P3H4: variants seen among roughly 807,000 people sequenced by gnomAD.
The protein encoded by P3H4 is prolyl 3-hydroxylase family member 4 (inactive), also known as endoplasmic reticulum protein SC65.
In P3H4, 47 loss-of-function variants were observed where a neutral mutation model predicts 52.9. The ratio of observed to expected loss-of-function variants is 0.89; its 90% CI spans 0.70 to 1.13. P3H4 has a LOEUF of 1.13. Among genes scored for constraint, P3H4 ranks in the 50% most tolerant of loss-of-function variants. The pLI, the probability that P3H4 is intolerant of heterozygous loss-of-function variation, is 0.00. For synonymous variants in P3H4, 256 were observed against 267.9 expected, an observed-to-expected ratio of 0.96 and a Z score of 0.44; for missense variants, 585 against 611.0, an observed-to-expected ratio of 0.96 and a Z score of 0.45.
At position 41,810,940 on chromosome 17, in the gene P3H4, A is replaced by ACTGC; in HGVS notation, c.706_709dup (p.Val237GlyfsTer11). On this transcript the variant is annotated frameshift_variant, in exon 3 of 8. Transcript: ENST00000393928. LOFTEE classifies it high-confidence loss of function. ...ACAGCCGGCCAGGCACCGGGCAAAG[A>ACTGC]CTGCCAGGTACTCTGACAAGGCCCG... The ACTGC allele has an allele frequency of 6.2e-7, 1 of 1,614,112 alleles. No homozygotes were observed. Among genetic ancestry groups the ACTGC allele is most frequent in the Non-Finnish European group, 8.5e-7 (1 of 1,180,012 alleles).
In P3H4 at chr17:41,810,935, C is replaced by G. The variant is rs550620446; in HGVS notation, c.715G>C (p.Ala239Pro). 1.2e-6 allele frequency: 2 copies of G among 1,614,196 alleles called. No homozygotes were observed. The highest frequency in any genetic ancestry group is 2.2e-5 in the East Asian group (1 of 44,888). The change falls in exon 3 of 8, where the codon GCC (alanine) becomes CCC (proline). Residue 239 changes from alanine to proline, a missense_variant. Ala to Pro is a conservative substitution (Grantham distance 27). Coordinates refer to ENST00000393928, the MANE Select transcript of P3H4 (RefSeq NM_006455.3). ...CCTTCACAGCCGGCCAGGCACCGGGCAAAGACTGCCAGGTACTCTGACAAG... is the reference window on the plus strand; with the variant it reads ...CCTTCACAGCCGGCCAGGCACCGGGGAAAGACTGCCAGGTACTCTGACAAG... ...RALSEYLAVF[A>P]RCLAGCEGAH...
chr17:41,811,262 A>G lies in P3H4; in HGVS notation c.485T>C (p.Val162Ala), dbSNP rs1555615057. 4 of 1,613,102 alleles carry G rather than the reference A, an allele frequency of 2.5e-6. No individual in the cohort carries two copies. The change falls in exon 2 of 8, where the codon GTG becomes GCG. Residue 162 changes from valine to alanine, a missense_variant. Coordinates refer to ENST00000393928, the MANE Select transcript of P3H4 (RefSeq NM_006455.3). The surrounding 1 kb of genome is among the most constrained non-coding windows in gnomAD (Gnocchi z 4.8). ...CTGGAGGAAGGTGTAGGCCGCCGCC[A>G]CCGCCTTCTCCAGCCGGTTAGCCTG... ...LFKANRLEKA[V>A]AAAYTFLQRN... is the part of the protein sequence containing the mutation.
In P3H4 at chr17:41,811,814, C is replaced by A; in HGVS notation, c.102G>T (p.Met34Ile). 1 of 1,538,222 alleles carries A rather than the reference C, an allele frequency of 6.5e-7. No homozygotes were observed. Among genetic ancestry groups the A allele is most frequent in the Non-Finnish European group, 8.7e-7 (1 of 1,153,862 alleles). ...CGTGCCCGTACGCCGCGGCCAGCGGCATCAGGTCCTCGGGCGGGAAGCCCC... is the reference window on the plus strand; with the variant it reads ...CGTGCCCGTACGCCGCGGCCAGCGGAATCAGGTCCTCGGGCGGGAAGCCCC... Reference protein sequence around the residue: ...SFRGFPPEDLMPLAAAYGHAL... With the variant: ...SFRGFPPEDLIPLAAAYGHAL... Residue 34 changes from methionine (M) to isoleucine (I), a missense_variant, in exon 1 of 8, where the codon ATG becomes ATT. Transcript: ENST00000393928. This position sits in a 1 kb window ranked among gnomAD's most constrained non-coding sequence, Gnocchi z 4.8.
At chr17:41,804,078 A>C (rs1339910855) in intron 6 of P3H4, among the ~76,000 whole-genome samples, 2 of 148,322 alleles carry the variant, frequency 1.3e-5, no homozygotes, top group Non-Finnish European at 3.0e-5. Flanking sequence ...CAGCCTCCCC[A>C]GCAGCTGGGA....
chr17:41,808,550 G>C (rs2047698106), intron 4 of P3H4, among the ~76,000 whole-genome samples: 1 of 152,044 alleles, frequency 6.6e-6, no homozygotes, highest in African/African-American at 2.4e-5. Context: ...ACCATGCCTG[G>C]CTAACTTTTT....
In P3H4 at chr17:41,803,119, C is replaced by T. The variant is rs547034188; in HGVS notation, c.1292-140G>A. 6.3e-5 allele frequency: 89 copies of T among 1,404,750 alleles called. No individual in the cohort carries two copies. In the South Asian group the frequency reaches 1.1e-3, roughly 18 times the overall value. 87.0% of individuals were successfully genotyped at this position (1,404,750 alleles called of 1,614,324 possible). ...TCCCAGCTCCAGGGGAGATGCTGCA[C>T]CACCACCCCCAAGCGGGACAGGGGT... On this transcript the variant is annotated intron_variant, in intron 7 of 7. Transcript: ENST00000393928.
At position 41,811,377 on chromosome 17, in the gene P3H4, A is replaced by G; in HGVS notation, c.462+77T>C. ...CGGGCTTCGTGCCTTGGGTGAAGAT[A>G]ACGCTCCTTCGACCGATCTGTGGGG... On this transcript the variant is annotated intron_variant, in intron 1 of 7. Coordinates refer to ENST00000393928, the MANE Select transcript of P3H4 (RefSeq NM_006455.3). This position sits in a 1 kb window ranked among gnomAD's most constrained non-coding sequence, Gnocchi z 4.8. 1 of 1,606,106 alleles carries G rather than the reference A, an allele frequency of 6.2e-7. No homozygotes were observed.
In P3H4 at chr17:41,811,715, C is replaced by T. The variant is rs2047741566; in HGVS notation, c.201G>A (p.Arg67=). 6.7e-7 allele frequency: 1 copy of T among 1,493,218 alleles called. No individual in the cohort carries two copies. Among genetic ancestry groups the T allele is most frequent in the Non-Finnish European group, 8.8e-7 (1 of 1,132,894 alleles). The allele number at this position is 1,493,218 out of a possible 1,614,324, so 92.5% of individuals were successfully genotyped here. ...RYLEAALRLH[R]LLRDSEAFCH... is the part of the protein sequence containing the mutation. Reference sequence around the variant, plus strand: ...AGAAGGCCTCGCTGTCGCGCAGGAGCCGGTGCAGCCGCAGCGCCGCCTCCA... The same window carrying T: ...AGAAGGCCTCGCTGTCGCGCAGGAGTCGGTGCAGCCGCAGCGCCGCCTCCA... The change falls in exon 1 of 8, where the codon CGG becomes CGA. Residue 67 remains arginine, a synonymous_variant. Transcript: ENST00000393928. The surrounding 1 kb of genome is among the most constrained non-coding windows in gnomAD (Gnocchi z 4.8).
At chr17:41,807,824 C>T (rs781892381) in intron 5 of P3H4, 35 bp downstream of exon 5, 10 of 1,600,316 alleles carry the variant, frequency 6.2e-6, no homozygotes, top group Non-Finnish European at 8.5e-6. Context: ...TTACAAAGTG[C>T]ATATCCAGCA....
At chr17:41,810,842 C>A in intron 3 of P3H4, 21 bp downstream of exon 3, 1 of 1,601,840 alleles carries the variant, frequency 6.2e-7, no homozygotes, top group South Asian at 1.1e-5. Flanking sequence ...GACCGCCCAC[C>A]GTGGTCTGGG....
At chr17:41,808,995 C>T (rs984781900) in intron 4 of P3H4, among the ~76,000 whole-genome samples, 4 of 152,196 alleles carry the variant, frequency 2.6e-5, no homozygotes, top group Admixed American at 2.0e-4. Context: ...GTCCTGGTGC[C>T]ACTTTTTATT....
chr17:41,802,939 G>C lies in P3H4; in HGVS notation c.*18C>G. On this transcript the variant is annotated 3_prime_UTR_variant, in exon 8 of 8. Coordinates refer to ENST00000393928, the MANE Select transcript of P3H4 (RefSeq NM_006455.3). ...GCACCAGGCTTCCCAAGCTTGAGCG[G>C]TGTGGGGTGTCCCCTTCTCATGCGA... is the stretch of plus-strand genomic sequence containing the variant. 1 of 1,611,698 alleles carries C rather than the reference G, an allele frequency of 6.2e-7. No individual in the cohort carries two copies. The highest frequency in any genetic ancestry group is 8.5e-7 in the Non-Finnish European group (1 of 1,179,022).
intron 7 of P3H4, 101 bp downstream of exon 7, chr17:41,803,186 C>CCA (rs2047636090): frequency 6.6e-7 from 1 of 1,512,292 alleles, no homozygotes; most frequent in Non-Finnish European, 8.9e-7. Context: ...GCCCCAGCAC[C>CCA]CACACACACC....
At chr17:41,808,119 G>C (rs2047693735) in intron 4 of P3H4, 115 bp from the exon 5 acceptor site, 1 of 1,342,480 alleles carries the variant, frequency 7.4e-7, no homozygotes, top group South Asian at 1.4e-5. Context: ...ATACCTAATG[G>C]GCTCCTTATC....
intron 7 of P3H4, 25 bp from the exon 8 acceptor site, chr17:41,803,004 G>A (rs1555613711): frequency 6.2e-7 from 1 of 1,607,628 alleles, no homozygotes; most frequent in East Asian, 2.2e-5. Flanking sequence ...AGAAAGCACT[G>A]GGGTTGCTCC....
chr17:41,808,449 G>C (rs1210199833), intron 4 of P3H4, among the ~76,000 whole-genome samples: 1 of 152,140 alleles, frequency 6.6e-6, no homozygotes, highest in Non-Finnish European at 1.5e-5. Flanking sequence ...GTGCAGTGGT[G>C]TGATCTCGGC....
chr17:41,803,651 A>T (rs535125170), intron 6 of P3H4, among the ~76,000 whole-genome samples: 1 of 152,200 alleles, frequency 6.6e-6, no homozygotes, highest in East Asian at 1.9e-4. Flanking sequence ...ATTTGGTGTC[A>T]GCATAAACAT....
At chr17:41,808,987 C>G (rs2047701631) in intron 4 of P3H4, among the ~76,000 whole-genome samples, 2 of 152,206 alleles carry the variant, frequency 1.3e-5, no homozygotes. Flanking sequence ...AGCCACAAGT[C>G]CTGGTGCCAC....
At position 41,803,566 on chromosome 17, in the gene P3H4, A is replaced by G. The variant is rs559145569; in HGVS notation, c.1147-135T>C. Reference sequence around the variant, plus strand: ...GCCCCTCCCCCTCCCCAGTCTCAAGATCTAATGAGACAGTCCTGAGGATTT... The same window carrying G: ...GCCCCTCCCCCTCCCCAGTCTCAAGGTCTAATGAGACAGTCCTGAGGATTT... On this transcript the variant is annotated intron_variant, in intron 6 of 7. Transcript: ENST00000393928. 4.7e-4 allele frequency: 357 copies of G among 762,260 alleles called. 4 individuals carry two copies. In the African/African-American group the frequency reaches 5.0e-3, roughly 11 times the overall value. The allele number at this position is 762,260 out of a possible 1,614,324, so 47.2% of individuals were successfully genotyped here.
Sources: allele counts gnomAD v4.1 joint callset (sites outside exome capture counted in the v4.1 genomes callset), GRCh38; gene constraint gnomAD v4.1.1; non-coding constraint Gnocchi (gnomAD v3.1); transcripts MANE v1.5; gene names NCBI Gene and HGNC (gene_info 2026-07-23, HGNC 2026-07-21).